Variants in PRICKLE1 observed in about 807,000 individuals in gnomAD.
PRICKLE1 encodes prickle-like protein 1.
In PRICKLE1, 14 loss-of-function variants were observed where a neutral mutation model predicts 70.2. The observed-to-expected ratio is 0.20, with a 90% CI of 0.13 to 0.31. The LOEUF (loss-of-function observed/expected upper bound fraction) is 0.31. PRICKLE1 is among the 10% of genes least tolerant of loss of function. The pLI is 1.00. For synonymous variants in PRICKLE1, 357 were observed against 379.9 expected, an observed-to-expected ratio of 0.94 and a Z score of 0.70; for missense variants, 821 against 1,026.2, an observed-to-expected ratio of 0.80 and a Z score of 2.73.
At chr12:42,587,064 A>G (rs921196886) in intron 1 of PRICKLE1, among the ~76,000 whole-genome samples, 1 of 152,170 alleles carries the variant, frequency 6.6e-6, no homozygotes, top group Non-Finnish European at 1.5e-5. Flanking sequence ...ACCATGGACA[A>G]ATAGTGCTTC....
At chr12:42,514,264 C>T (rs1183494346) in intron 1 of PRICKLE1, among the ~76,000 whole-genome samples, 1 of 152,090 alleles carries the variant, frequency 6.6e-6, no homozygotes, top group African/African-American at 2.4e-5. Flanking sequence ...GAAACTATGT[C>T]TTCTATTCTG....
intron 1 of PRICKLE1, among the ~76,000 whole-genome samples, chr12:42,570,778 C>T (rs1326602499): frequency 6.6e-6 from 1 of 152,134 alleles, no homozygotes; most frequent in African/African-American, 2.4e-5. Flanking sequence ...CGAGATTGTA[C>T]CACTGCACTC....
chr12:42,477,081 A>G (rs1398345664), intron 1 of PRICKLE1, among the ~76,000 whole-genome samples: 2 of 152,074 alleles, frequency 1.3e-5, no homozygotes, highest in African/African-American at 4.8e-5. Context: ...ACTAAAAATT[A>G]TAAAGACGTG....
At chr12:42,557,485 C>T (rs1195866738) in intron 1 of PRICKLE1, among the ~76,000 whole-genome samples, 3 of 152,174 alleles carry the variant, frequency 2.0e-5, no homozygotes. Flanking sequence ...TGCATCGTCC[C>T]TCCCCAACAT....
intron 1 of PRICKLE1, among the ~76,000 whole-genome samples, chr12:42,527,096 A>G (rs1340706087): frequency 6.8e-6 from 1 of 146,468 alleles, no homozygotes; most frequent in African/African-American, 2.6e-5. Context: ...AAAGGGTACA[A>G]TTTAAGAGTG....
intron 1 of PRICKLE1, among the ~76,000 whole-genome samples, chr12:42,496,936 C>T (rs1160683487): frequency 6.6e-6 from 1 of 151,954 alleles, no homozygotes; most frequent in Admixed American, 6.5e-5. Context: ...TTCATGTTCA[C>T]TGGATTAGCA....
rs71084669 is a variant in PRICKLE1 at position 42,539,467 on chromosome 12, C to CA, written c.-49+49997dup. ...TGGGTGACAGAGCGAGACTCTGTCTCAAAAAAAAAAAAAAAAGTAATACAA... is the reference window on the plus strand; with the variant it reads ...TGGGTGACAGAGCGAGACTCTGTCTCAAAAAAAAAAAAAAAAAGTAATACAA... On this transcript the variant is annotated intron_variant, in intron 1 of 7. Transcript: ENST00000345127. Among the ~76,000 whole-genome samples the CA allele has an allele frequency of 7.8e-3, 704 of 90,658 alleles. 1 individual carries two copies. Among genetic ancestry groups the CA allele is most frequent in the African/African-American group, 0.022 (508 of 22,968 alleles). The allele number at this position is 90,658 out of a possible 152,430, so 59.5% of individuals were successfully genotyped here. A position where few individuals can be genotyped will look rare whatever the true frequency, so the allele number is the denominator to read the frequency against.
Position 42,477,850 on chromosome 12 carries a change from A to G in PRICKLE1, c.-48-5286T>C, listed in dbSNP as rs142932379. 8.9e-4 allele frequency among the ~76,000 whole-genome samples: 136 copies of G among 152,226 alleles called. 1 individual carries two copies. The highest frequency in any genetic ancestry group is 3.1e-3 in the African/African-American group (130 of 41,544). On this transcript the variant is annotated intron_variant, in intron 1 of 7. Transcript: ENST00000345127. ...TAGGCTGCATTATAATGGAAATAGA[A>G]CTATTCAAAGTTGGGGTTATGACAG...
chr12:42,473,259 T>C (rs551769785), intron 1 of PRICKLE1, among the ~76,000 whole-genome samples: 1 of 152,366 alleles, frequency 6.6e-6, no homozygotes, highest in Admixed American at 6.5e-5. Flanking sequence ...CTGAATACAG[T>C]ACTATGTGAA....
intron 1 of PRICKLE1, among the ~76,000 whole-genome samples, chr12:42,494,319 G>T (rs1057304554): frequency 1.3e-5 from 2 of 152,192 alleles, no homozygotes; most frequent in African/African-American, 4.8e-5. Flanking sequence ...AGCATGTGAT[G>T]CTGTTTGGTA....
chr12:42,486,421 A>C (rs899843773), intron 1 of PRICKLE1, among the ~76,000 whole-genome samples: 4 of 151,666 alleles, frequency 2.6e-5, no homozygotes, highest in African/African-American at 9.8e-5. Context: ...CTCAGACATT[A>C]TTCTTCTCAG....
intron 1 of PRICKLE1, among the ~76,000 whole-genome samples, chr12:42,503,060 G>A (rs1593142581): frequency 6.6e-6 from 1 of 152,200 alleles, no homozygotes; most frequent in African/African-American, 2.4e-5. Flanking sequence ...AACATGTTAA[G>A]TCCATGGGTA....
intron 1 of PRICKLE1, among the ~76,000 whole-genome samples, chr12:42,535,483 G>A (rs1357878035): frequency 6.6e-6 from 1 of 152,210 alleles, no homozygotes; most frequent in East Asian, 1.9e-4. Context: ...AAAGGCCAGT[G>A]TTAGCCAAAA....
chr12:42,467,773 A>C (rs911860502), intron 5 of PRICKLE1, among the ~76,000 whole-genome samples: 1 of 152,204 alleles, frequency 6.6e-6, no homozygotes, highest in African/African-American at 2.4e-5. Context: ...CAAAACAAAA[A>C]CAAAAATATG....
At position 42,465,010 on chromosome 12, in the gene PRICKLE1, A is replaced by C. The variant is rs773297758; in HGVS notation, c.1024T>G (p.Ser342Ala). 1 of 1,606,400 alleles carries C rather than the reference A, an allele frequency of 6.2e-7. No individual in the cohort carries two copies. The highest frequency in any genetic ancestry group is 8.5e-7 in the Non-Finnish European group (1 of 1,176,594). Residue 342 changes from serine to alanine, a missense_variant, in exon 7 of 8, where the codon TCA (serine) becomes GCA (alanine). By Grantham distance (99) the Ser-to-Ala change is moderately conservative. Transcript: ENST00000345127. The stretch of plus-strand genomic sequence containing the variant: ...AGAGACTGTCTACACTGATCTGCTG[A>C]CCGGCTGCTCTTGCCCATTCGGACA... The part of the protein sequence containing the change: ...RSVRMGKSSR[S>A]ADQCRQSLLL...
intron 1 of PRICKLE1, among the ~76,000 whole-genome samples, chr12:42,523,529 C>T (rs556229339): frequency 1.3e-5 from 2 of 152,120 alleles, no homozygotes; most frequent in East Asian, 1.9e-4. Flanking sequence ...AGTCTTCAAA[C>T]GACCAAGAAA....
chr12:42,579,740 GTTC>G (rs1940867070), intron 1 of PRICKLE1, among the ~76,000 whole-genome samples: 1 of 152,104 alleles, frequency 6.6e-6, no homozygotes, highest in Admixed American at 6.5e-5. Context: ...GAGTTTTAAA[GTTC>G]TTCTTTTAAT....
chr12:42,477,737 G>T (rs535806713), intron 1 of PRICKLE1, among the ~76,000 whole-genome samples: 1 of 151,836 alleles, frequency 6.6e-6, no homozygotes, highest in East Asian at 1.9e-4. Context: ...AGGTAAATCA[G>T]ACCTAATAGA....
At chr12:42,490,672 G>T (rs1939083639) in intron 1 of PRICKLE1, among the ~76,000 whole-genome samples, 1 of 152,144 alleles carries the variant, frequency 6.6e-6, no homozygotes, top group Admixed American at 6.6e-5. Context: ...GGGGTGTACA[G>T]TCTGGGTAGG....
Sources: gnomAD v4.1 joint callset for allele counts (sites outside exome capture counted in the v4.1 genomes callset) on GRCh38, gnomAD v4.1.1 for gene constraint, MANE v1.5 for transcripts, NCBI Gene and HGNC (gene_info 2026-07-23, HGNC 2026-07-21) for gene names.